UPP2: variants seen among roughly 807,000 people sequenced by gnomAD.
UPP2 encodes the protein UPase 2.
UPP2 carries 23 observed loss-of-function variants against 26.7 expected under a neutral mutation model. The observed-to-expected ratio is 0.86, with a 90% confidence interval of 0.62 to 1.22. UPP2 has a LOEUF of 1.22. UPP2 is among the 50% of genes most tolerant of loss of function. UPP2 has a pLI of 0.00. For missense variants in UPP2, 387 were observed against 396.7 expected (o/e 0.98, Z 0.21); for synonymous variants, 127 against 141.3 (o/e 0.90, Z 0.72).
intron 3 of UPP2, among the ~76,000 whole-genome samples, chr2:158,067,073 C>A (rs1347818575): frequency 6.6e-6 from 1 of 151,614 alleles, no homozygotes; most frequent in African/African-American, 2.4e-5. Flanking sequence ...TCCTTCTCTT[C>A]CTAACCATTC....
At chr2:158,084,356 T>C (rs1266695819) in intron 3 of UPP2, among the ~76,000 whole-genome samples, 1 of 152,090 alleles carries the variant, frequency 6.6e-6, no homozygotes, top group Non-Finnish European at 1.5e-5. Flanking sequence ...ATGGGATTTT[T>C]TTTTCTTGCT....
intron 1 of UPP2, among the ~76,000 whole-genome samples, chr2:158,103,305 AT>A (rs1335143886): frequency 6.6e-6 from 1 of 152,192 alleles, no homozygotes; most frequent in Non-Finnish European, 1.5e-5. Flanking sequence ...ACTAATCCTA[AT>A]GAATTAATAG....
chr2:158,018,056 A>G (rs1683687438), intron 3 of UPP2, among the ~76,000 whole-genome samples: 1 of 152,224 alleles, frequency 6.6e-6, no homozygotes, highest in Non-Finnish European at 1.5e-5. Flanking sequence ...TGAGAAAACC[A>G]CTGACTTAGG....
At chr2:158,050,670 T>A (rs1035723581) in intron 3 of UPP2, among the ~76,000 whole-genome samples, 3 of 152,196 alleles carry the variant, frequency 2.0e-5, no homozygotes, top group African/African-American at 7.2e-5. Flanking sequence ...TGGCATTTAC[T>A]GAATGCACAA....
Position 158,134,986 on chromosome 2 carries a change from C to T in UPP2, c.*96C>T. The T allele has an allele frequency of 7.3e-7, 1 of 1,371,200 alleles. No individual in the cohort carries two copies. The highest frequency in any genetic ancestry group is 9.7e-7 in the Non-Finnish European group (1 of 1,035,026). The allele number at this position is 1,371,200 out of a possible 1,614,324, so 84.9% of individuals were successfully genotyped here. On this transcript the variant is annotated 3_prime_UTR_variant, in exon 7 of 7. Coordinates refer to ENST00000005756, the MANE Select transcript of UPP2 (RefSeq NM_173355.4). ...TTATTTGTGGCATTTTTATATAGTT[C>T]TCATCCACATGCTAAATGGAAAGAC...
rs750296023 is a variant in UPP2 at position 158,102,145 on chromosome 2, T to C, written c.62+20T>C. On this transcript the variant is annotated intron_variant, in intron 1 of 6. Coordinates refer to ENST00000005756, the MANE Select transcript of UPP2 (RefSeq NM_173355.4). ...TGTTGGGTGAGTAATTTTGATTTTG[T>C]AAATTTGTTTTGATCAGATGGTTGC... The C allele has an allele frequency of 1.9e-6, 3 of 1,609,776 alleles. No homozygotes were observed. Among genetic ancestry groups the C allele is most frequent in the Non-Finnish European group, 1.7e-6 (2 of 1,178,560 alleles).
intron 3 of UPP2, among the ~76,000 whole-genome samples, chr2:158,029,700 G>C (rs1683894969): frequency 6.6e-6 from 1 of 152,070 alleles, no homozygotes; most frequent in Non-Finnish European, 1.5e-5. Context: ...ATTTCACAAA[G>C]GGAGGGAGAC....
intron 3 of UPP2, among the ~76,000 whole-genome samples, chr2:158,077,353 G>T (rs1682646370): frequency 1.3e-5 from 2 of 151,978 alleles, no homozygotes; most frequent in Non-Finnish European, 1.5e-5. Flanking sequence ...TGAACAAAAA[G>T]AACAAAACTG....
upstream of UPP2, among the ~76,000 whole-genome samples, chr2:158,100,015 T>C (rs371388229): frequency 1.8e-3 from 275 of 152,304 alleles, 4 homozygotes; most frequent in South Asian, 0.025. Context: ...CGAAACCTTT[T>C]CCCCTGCTCT....
chr2:158,071,515 C>A (rs1004156044), intron 3 of UPP2, among the ~76,000 whole-genome samples: 2 of 126,958 alleles, frequency 1.6e-5, no homozygotes, highest in African/African-American at 6.1e-5. Context: ...CATGGTATTG[C>A]ATTCCAGCCT....
chr2:158,030,663 A>G (rs1683908423), intron 3 of UPP2, among the ~76,000 whole-genome samples: 1 of 152,280 alleles, frequency 6.6e-6, no homozygotes, highest in African/African-American at 2.4e-5. Context: ...CTTTCAAAAT[A>G]CCACCACATT....
At chr2:158,126,115 C>A (rs1351554332) in intron 6 of UPP2, among the ~76,000 whole-genome samples, 1 of 152,170 alleles carries the variant, frequency 6.6e-6, no homozygotes, top group Non-Finnish European at 1.5e-5. Flanking sequence ...CTTTCTTTCT[C>A]TGTTTAGGAT....
At chr2:158,056,267 C>T (rs1479484145) in intron 3 of UPP2, among the ~76,000 whole-genome samples, 1 of 151,958 alleles carries the variant, frequency 6.6e-6, no homozygotes. Flanking sequence ...GAGCTCCCAT[C>T]TACCCCACAC....
At chr2:158,066,555 G>A in intron 3 of UPP2, among the ~76,000 whole-genome samples, 1 of 151,358 alleles carries the variant, frequency 6.6e-6, no homozygotes, top group Non-Finnish European at 1.5e-5. Context: ...CCTACATAGT[G>A]ATTTGCCTGC....
intron 3 of UPP2, among the ~76,000 whole-genome samples, chr2:158,068,802 A>ATATATATATT (rs1682488495): frequency 5.3e-5 from 1 of 18,892 alleles, no homozygotes; most frequent in Non-Finnish European, 8.6e-5. Flanking sequence ...ATATATATAT[A>ATATATATATT]TTTTTTTTTT....
chr2:158,091,417 T>G (rs1682909863), intron 3 of UPP2, among the ~76,000 whole-genome samples: 1 of 152,110 alleles, frequency 6.6e-6, no homozygotes, highest in African/African-American at 2.4e-5. Flanking sequence ...AGACAAAAGA[T>G]GAAACAGAAA....
At chr2:158,027,369 G>A (rs983480185) in intron 3 of UPP2, among the ~76,000 whole-genome samples, 1 of 152,178 alleles carries the variant, frequency 6.6e-6, no homozygotes. Context: ...ACCCATGCAA[G>A]TCCGAAATCC....
At chr2:158,048,784 C>T (rs1467178368) in intron 3 of UPP2, among the ~76,000 whole-genome samples, 1 of 152,148 alleles carries the variant, frequency 6.6e-6, no homozygotes, top group Non-Finnish European at 1.5e-5. Flanking sequence ...CATCTTCTTG[C>T]TTCCCTGGGA....
chr2:158,000,458 G>A (rs1259134230), intron 2 of UPP2, among the ~76,000 whole-genome samples: 3 of 152,234 alleles, frequency 2.0e-5, no homozygotes, highest in Non-Finnish European at 4.4e-5. Flanking sequence ...ACTGGCTGCA[G>A]TAGCAAATGA....
Sources: gnomAD v4.1 joint callset for allele counts (sites outside exome capture counted in the v4.1 genomes callset) on GRCh38, gnomAD v4.1.1 for gene constraint, MANE v1.5 for transcripts, NCBI Gene and HGNC (gene_info 2026-07-23, HGNC 2026-07-21) for gene names.